The following SLC17A9 variants were observed in gnomAD, a reference collection of about 807,000 sequenced individuals.
The protein encoded by SLC17A9 is voltage-gated purine nucleotide uniporter SLC17A9.
Under a neutral mutation model 55.0 loss-of-function variants are expected in SLC17A9, and 49 were observed. The observed-to-expected ratio is 0.89, with a 90% CI of 0.71 to 1.13. SLC17A9 has a LOEUF of 1.13. SLC17A9 is among the 50% of genes most tolerant of loss of function. SLC17A9 has a pLI of 0.00. For synonymous variants in SLC17A9, 256 were observed against 247.4 expected (o/e 1.03, Z -0.32); for missense variants, 526 against 569.3 (o/e 0.92, Z 0.77).
chr20:62,957,337 G>C, intron 2 of SLC17A9, 104 bp from the exon 3 acceptor site: 2 of 1,499,468 alleles, frequency 1.3e-6, no homozygotes, highest in Non-Finnish European at 8.9e-7. Context: ...AGGCAGACAG[G>C]CCAGGCCCAG....
rs761116383 is a variant in SLC17A9 at position 62,956,786 on chromosome 20, G to A, written c.81G>A (p.Thr27=). ...QWSRPECQAW[T]GTLLLGTCLL... The stretch of plus-strand genomic sequence containing the variant: ...ACAGGCCCGAGTGCCAGGCATGGAC[G>A]GGGACGCTGCTGCTGGGCACATGCC... The change falls in exon 2 of 13, where the codon ACG becomes ACA. Residue 27 remains threonine (T), a synonymous_variant. Coordinates refer to ENST00000370351, the MANE Select transcript of SLC17A9 (RefSeq NM_022082.4). 17 of 1,612,126 alleles carry A rather than the reference G, an allele frequency of 1.1e-5. No individual in the cohort carries two copies. The highest frequency in any genetic ancestry group is 2.2e-5 in the East Asian group (1 of 44,848).
intron 1 of SLC17A9, among the ~76,000 whole-genome samples, chr20:62,954,872 T>A (rs1371901344): frequency 6.6e-6 from 1 of 151,990 alleles, no homozygotes; most frequent in East Asian, 1.9e-4. Context: ...TCAATGGGGG[T>A]GAGGATCAGT....
At chr20:62,957,648 CG>C in intron 3 of SLC17A9, 68 bp downstream of exon 3, 1 of 1,371,060 alleles carries the variant, frequency 7.3e-7, no homozygotes, top group Non-Finnish European at 9.7e-7. Flanking sequence ...GGGGTGTGCA[CG>C]GATGTGTGTG....
At chr20:62,963,181 C>T in intron 5 of SLC17A9, 92 bp from the exon 6 acceptor site, 2 of 1,358,732 alleles carry the variant, frequency 1.5e-6, no homozygotes, top group East Asian at 2.4e-5. Context: ...CCTGCTGACC[C>T]CTCTGGAACC....
Position 62,967,721 on chromosome 20 carries a change from T to G in SLC17A9, c.*221T>G. The G allele has an allele frequency of 1.9e-6, 1 of 517,780 alleles. No individual in the cohort carries two copies. Among genetic ancestry groups the G allele is most frequent in the Non-Finnish European group, 3.4e-6 (1 of 294,898 alleles). 32.1% of individuals were successfully genotyped at this position (517,780 alleles called of 1,614,324 possible). A position where few individuals can be genotyped will look rare whatever the true frequency, so the allele number is the denominator to read the frequency against. ...GGCTCGCTGCTCTCTGGGCCTCAGT[T>G]TCCCCACCTGCCAGCGGGCTCGGCC... On this transcript the variant is annotated 3_prime_UTR_variant, in exon 13 of 13. Coordinates refer to ENST00000370351, the MANE Select transcript of SLC17A9 (RefSeq NM_022082.4).
chr20:62,964,732 C>T (rs1002890357), intron 8 of SLC17A9, among the ~76,000 whole-genome samples: 1 of 152,218 alleles, frequency 6.6e-6, no homozygotes, highest in Admixed American at 6.5e-5. Context: ...CACACGCGTG[C>T]CCACATGCTC....
intron 2 of SLC17A9, 102 bp downstream of exon 2, chr20:62,957,064 C>T: frequency 7.1e-7 from 1 of 1,404,060 alleles, no homozygotes; most frequent in Non-Finnish European, 9.8e-7. Flanking sequence ...GAGGATGCGA[C>T]TCCTGGGGAA....
intron 12 of SLC17A9, 142 bp downstream of exon 12, chr20:62,966,874 A>G: frequency 9.3e-7 from 1 of 1,071,340 alleles, no homozygotes; most frequent in Non-Finnish European, 1.3e-6. Context: ...CAGGCCCAGG[A>G]GAGGAGGATG....
At chr20:62,953,605 T>A (rs1213761666) in intron 1 of SLC17A9, among the ~76,000 whole-genome samples, 1 of 152,234 alleles carries the variant, frequency 6.6e-6, no homozygotes, top group Non-Finnish European at 1.5e-5. Flanking sequence ...CTTAAGTGGC[T>A]GGACCCTGGG....
chr20:62,955,679 C>T (rs1313422768), intron 1 of SLC17A9, among the ~76,000 whole-genome samples: 2 of 152,242 alleles, frequency 1.3e-5, no homozygotes, highest in South Asian at 2.1e-4. Flanking sequence ...GGTGGGGGCC[C>T]CCATGTCCCT....
rs2065613611 is a variant in SLC17A9, at chr20:62,964,080, G to A, written c.823-148G>A. On this transcript the variant is annotated intron_variant, in intron 7 of 12. Coordinates refer to ENST00000370351, the MANE Select transcript of SLC17A9 (RefSeq NM_022082.4). ...CTGCCCTGCCGGGTGGTGGTCAAGAGCTGCACATTCCCAGGAGCAGGGCTG... is the reference window on the plus strand; with the variant it reads ...CTGCCCTGCCGGGTGGTGGTCAAGAACTGCACATTCCCAGGAGCAGGGCTG... The A allele has an allele frequency of 1.0e-5, 8 of 789,318 alleles. 1 individual carries two copies. Among genetic ancestry groups the A allele is most frequent in the South Asian group, 6.2e-5 (4 of 64,892 alleles). 48.9% of individuals were successfully genotyped at this position (789,318 alleles called of 1,614,324 possible). A position where few individuals can be genotyped will look rare whatever the true frequency, so the allele number is the denominator to read the frequency against.
chr20:62,957,009 C>T (rs755061281), intron 2 of SLC17A9, 47 bp downstream of exon 2: 1 of 1,610,024 alleles, frequency 6.2e-7, no homozygotes, highest in East Asian at 2.2e-5. Flanking sequence ...GGCCGCCCCA[C>T]TGGGGCCTCC....
intron 9 of SLC17A9, 104 bp from the exon 10 acceptor site, chr20:62,965,506 C>A (rs1399545294): frequency 9.2e-7 from 1 of 1,087,508 alleles, no homozygotes; most frequent in Non-Finnish European, 1.4e-6. Flanking sequence ...CCAACCTGAC[C>A]GTTGTGCGGT....
chr20:62,966,789 C>T (rs111819136), intron 12 of SLC17A9, 57 bp downstream of exon 12: 10 of 1,581,498 alleles, frequency 6.3e-6, no homozygotes, highest in African/African-American at 2.7e-5. Flanking sequence ...TTGAGGCCAC[C>T]GAGGTGCTGC....
chr20:62,962,115 A>G lies in SLC17A9; in HGVS notation c.498-509A>G, dbSNP rs904120021. On this transcript the variant is annotated intron_variant, in intron 4 of 12. Coordinates refer to ENST00000370351, the MANE Select transcript of SLC17A9 (RefSeq NM_022082.4). The surrounding 1 kb of genome is among the most constrained non-coding windows in gnomAD (Gnocchi z 5.5). ...GGGAGCCTCTGAGGGGCTATTTGGG[A>G]CAATGAAGTCATGGGGACGGGATGG... 6.6e-6 allele frequency among the ~76,000 whole-genome samples: 1 copy of G among 152,170 alleles called. No individual in the cohort carries two copies. Among genetic ancestry groups the G allele is most frequent in the Admixed American group, 6.5e-5 (1 of 15,280 alleles).
chr20:62,965,044 C>T, intron 8 of SLC17A9, 88 bp from the exon 9 acceptor site: 1 of 1,487,516 alleles, frequency 6.7e-7, no homozygotes, highest in Non-Finnish European at 9.4e-7. Flanking sequence ...CCCCTGCTGC[C>T]CCTCTGCAGC....
chr20:62,955,146 T>G (rs927935785), intron 1 of SLC17A9, among the ~76,000 whole-genome samples: 1 of 151,938 alleles, frequency 6.6e-6, no homozygotes, highest in Non-Finnish European at 1.5e-5. Context: ...TTTCTTTTTT[T>G]TTTTGAGATG....
chr20:62,957,337 G>A, intron 2 of SLC17A9, 104 bp from the exon 3 acceptor site: 3 of 1,499,468 alleles, frequency 2.0e-6, no homozygotes, highest in South Asian at 1.4e-5. Flanking sequence ...AGGCAGACAG[G>A]CCAGGCCCAG....
At chr20:62,965,466 G>A in intron 9 of SLC17A9, 144 bp from the exon 10 acceptor site, 6 of 788,578 alleles carry the variant, frequency 7.6e-6, no homozygotes, top group Non-Finnish European at 1.3e-5. Flanking sequence ...CCTCTAGGGG[G>A]CCTGGTCTGA....
Sources: allele counts gnomAD v4.1 joint callset (sites outside exome capture counted in the v4.1 genomes callset), GRCh38; gene constraint gnomAD v4.1.1; non-coding constraint Gnocchi (gnomAD v3.1); transcripts MANE v1.5; gene names NCBI Gene and HGNC (gene_info 2026-07-23, HGNC 2026-07-21).